GOLM1: variants seen among roughly 807,000 people sequenced by gnomAD.
GOLM1 encodes golgi membrane protein 1.
Under a neutral mutation model 50.5 loss-of-function variants are expected in GOLM1, and 31 were observed. That is an observed-to-expected ratio of 0.61 (90% CI 0.46 to 0.83). GOLM1 has a LOEUF of 0.83. GOLM1 is among the 40% of genes least tolerant of loss of function. The pLI is 0.00. For synonymous variants in GOLM1, 178 were observed against 192.8 expected (o/e 0.92, Z 0.64); for missense variants, 491 against 501.3 (o/e 0.98, Z 0.20).
At chr9:86,044,457 C>T (rs1377567262) in intron 5 of GOLM1, among the ~76,000 whole-genome samples, 3 of 152,178 alleles carry the variant, frequency 2.0e-5, no homozygotes, top group East Asian at 3.8e-4. Flanking sequence ...AACTGATTCT[C>T]CCAGGTTGCT....
rs1003577432 is a variant in GOLM1, at chr9:86,089,878, C to T, written c.-22+9533G>A. On this transcript the variant is annotated intron_variant, in intron 1 of 9. Transcript: ENST00000388712. ...TTCAGCCTTTTTGTGCAGGTTTTTC[C>T]TCATCTTTGTGGATGTATCTACCTT... 6.6e-5 allele frequency among the ~76,000 whole-genome samples: 10 copies of T among 152,278 alleles called. No homozygotes were observed. The East Asian group carries it at 1.4e-3, about 21-fold the overall frequency.
intron 3 of GOLM1, among the ~76,000 whole-genome samples, chr9:86,067,500 C>G (rs1449556753): frequency 1.3e-5 from 2 of 152,158 alleles, no homozygotes; most frequent in African/African-American, 4.8e-5. Context: ...AAAAACATTA[C>G]CACAAATTAA....
chr9:86,036,466 T>G lies in GOLM1; in HGVS notation c.639A>C (p.Ala213=). 1 of 1,613,808 alleles carries G rather than the reference T, an allele frequency of 6.2e-7. No individual in the cohort carries two copies. Among genetic ancestry groups the G allele is most frequent in the South Asian group, 1.1e-5 (1 of 91,052 alleles). ...GTGGCACCTCTGTGTGTGGCAGGCC[T>G]GCTGCCTGCAGCCTGGGCTGAGGCT... ...LSEPQPRLQA[A]GLPHTEVPQG... is the part of the protein sequence containing the mutation. The change falls in exon 7 of 10, where the codon GCA becomes GCC. Residue 213 remains alanine, a synonymous_variant. Coordinates refer to ENST00000388712, the MANE Select transcript of GOLM1 (RefSeq NM_016548.4).
intron 8 of GOLM1, chr9:86,035,039 A>C (rs1044120296): frequency 1.0e-6 from 1 of 985,342 alleles, no homozygotes; most frequent in Non-Finnish European, 1.2e-6. Flanking sequence ...GACGGTGGAC[A>C]TACAAAAATG....
Position 86,099,519 on chromosome 9 carries a change from G to T in GOLM1, c.-130C>A, listed in dbSNP as rs1312792246. 1.3e-5 allele frequency: 2 copies of T among 148,742 alleles called. No individual in the cohort carries two copies. The highest frequency in any genetic ancestry group is 6.7e-5 in the Admixed American group (1 of 14,944). The allele number at this position is 148,742 out of a possible 1,614,324, so 9.2% of individuals were successfully genotyped here. On this transcript the variant is annotated 5_prime_UTR_variant, in exon 1 of 10. Transcript: ENST00000388712. The stretch of plus-strand genomic sequence containing the variant: ...CTCGAGCTCCGGCCGGCTCCGCGCC[G>T]TGCGCCCAGCGCCTCCGCGTCCAGC...
intron 9 of GOLM1, among the ~76,000 whole-genome samples, chr9:86,031,753 G>A (rs1037882388): frequency 1.3e-5 from 2 of 151,440 alleles, no homozygotes; most frequent in African/African-American, 4.8e-5. Flanking sequence ...TAGCCACCAC[G>A]CCCAGCTGAA....
intron 4 of GOLM1, among the ~76,000 whole-genome samples, chr9:86,051,439 G>T (rs1833747771): frequency 6.6e-6 from 1 of 151,960 alleles, no homozygotes; most frequent in African/African-American, 2.4e-5. Flanking sequence ...CTGTCTCGTT[G>T]ATCTGTCTAC....
At chr9:86,095,506 C>T (rs986138999) in intron 1 of GOLM1, among the ~76,000 whole-genome samples, 1 of 151,974 alleles carries the variant, frequency 6.6e-6, no homozygotes, top group Admixed American at 6.6e-5. Flanking sequence ...CCTCAGCCTC[C>T]CAAAGTGCTG....
intron 3 of GOLM1, among the ~76,000 whole-genome samples, chr9:86,075,442 T>C (rs1834582599): frequency 6.6e-6 from 1 of 152,202 alleles, no homozygotes; most frequent in Non-Finnish European, 1.5e-5. Context: ...GAGCACTGGG[T>C]TAAACGCTTT....
At position 86,026,759 on chromosome 9, in the gene GOLM1, T is replaced by A; in HGVS notation, c.*1058A>T. 1.0e-6 allele frequency: 1 copy of A among 983,184 alleles called. No homozygotes were observed. The highest frequency in any genetic ancestry group is 4.7e-5 in the South Asian group (1 of 21,258). The allele number at this position is 983,184 out of a possible 1,614,324, so 60.9% of individuals were successfully genotyped here. On this transcript the variant is annotated 3_prime_UTR_variant, in exon 10 of 10. Transcript: ENST00000388712. ...TTGTGAATTAGGATTAAGTAGTAAT[T>A]TTCAAAATTCACATTAACTTGATTT...
rs773914433 is a variant in GOLM1, at chr9:86,040,726, A to ATTCCCCAGT, written c.597+4_597+12dup. 11 of 1,604,556 alleles carry ATTCCCCAGT rather than the reference A, an allele frequency of 6.9e-6. No individual in the cohort carries two copies. The highest frequency in any genetic ancestry group is 9.3e-6 in the Non-Finnish European group (11 of 1,177,426). ...TACCTTCTAGAAACTCTTGGCAAAA[A>ATTCCCCAGT]TTCCCCAGTTACCTGCTGTCTCTGG... On this transcript the variant is annotated intron_variant, in intron 6 of 9. Transcript: ENST00000388712.
chr9:86,036,268 C>A (rs1231908146), intron 7 of GOLM1, 80 bp downstream of exon 7: 8 of 1,448,998 alleles, frequency 5.5e-6, no homozygotes, highest in Non-Finnish European at 7.8e-6. Flanking sequence ...TCACTGACTG[C>A]CTCAGCAGCT....
chr9:86,074,382 T>C (rs1465403718), intron 3 of GOLM1, among the ~76,000 whole-genome samples: 1 of 152,164 alleles, frequency 6.6e-6, no homozygotes, highest in African/African-American at 2.4e-5. Flanking sequence ...TTAAAGTTTC[T>C]ACTGTGAAGT....
intron 3 of GOLM1, among the ~76,000 whole-genome samples, chr9:86,076,938 G>GT (rs1358922433): frequency 1.3e-5 from 2 of 151,908 alleles, no homozygotes; most frequent in African/African-American, 2.4e-5. Flanking sequence ...GGATTTGTTG[G>GT]TTTTTTTCCT....
intron 1 of GOLM1, among the ~76,000 whole-genome samples, chr9:86,082,536 G>A (rs1834817107): frequency 6.6e-6 from 1 of 151,748 alleles, no homozygotes; most frequent in African/African-American, 2.4e-5. Flanking sequence ...AACTTCCTGG[G>A]CTCAAGTGAT....
intron 2 of GOLM1, 23 bp downstream of exon 2, chr9:86,079,169 T>C (rs1834712150): frequency 1.3e-6 from 2 of 1,497,828 alleles, no homozygotes; most frequent in Non-Finnish European, 1.8e-6. Context: ...AAAATAAACA[T>C]AACAATAAAG....
chr9:86,051,548 C>T (rs183702991), intron 4 of GOLM1, among the ~76,000 whole-genome samples: 1 of 152,216 alleles, frequency 6.6e-6, no homozygotes, highest in East Asian at 1.9e-4. Context: ...CTGGGGCACG[C>T]ACCCAATTAT....
chr9:86,027,053 T>C lies in GOLM1; in HGVS notation c.*764A>G. ...TGTTTGTTTTGTCAAAAACCTAATCTGCTTCTTGCTTTTCTTGGTAATATA... is the reference window on the plus strand; with the variant it reads ...TGTTTGTTTTGTCAAAAACCTAATCCGCTTCTTGCTTTTCTTGGTAATATA... On this transcript the variant is annotated 3_prime_UTR_variant, in exon 10 of 10. Transcript: ENST00000388712. 24 of 985,458 alleles carry C rather than the reference T, an allele frequency of 2.4e-5. No individual in the cohort carries two copies. The highest frequency in any genetic ancestry group is 2.8e-5 in the Non-Finnish European group (23 of 829,936). 61.0% of individuals were successfully genotyped at this position (985,458 alleles called of 1,614,324 possible).
chr9:86,084,085 G>C (rs555331629), intron 1 of GOLM1, among the ~76,000 whole-genome samples: 249 of 152,298 alleles, frequency 1.6e-3, no homozygotes, highest in African/African-American at 5.7e-3. Flanking sequence ...CTGGCCTCAA[G>C]GAGCTTGAGA....
Sources: allele counts gnomAD v4.1 joint callset (sites outside exome capture counted in the v4.1 genomes callset), GRCh38; gene constraint gnomAD v4.1.1; transcripts MANE v1.5; gene names NCBI Gene and HGNC (gene_info 2026-07-23, HGNC 2026-07-21).